RHOU: variants seen among roughly 807,000 people sequenced by gnomAD.
The protein encoded by RHOU is ras homolog family member U.
A neutral mutation model predicts 12.6 loss-of-function variants in RHOU; 8 were observed. That is an observed-to-expected ratio of 0.64 (90% CI 0.37 to 1.15). RHOU has a LOEUF of 1.15. Among genes scored for constraint, RHOU ranks in the 50% most tolerant of loss-of-function variants. The pLI is 0.01. For missense variants in RHOU, 258 were observed against 347.0 expected, an observed-to-expected ratio of 0.74 and a Z score of 2.04; for synonymous variants, 161 against 147.4, an observed-to-expected ratio of 1.09 and a Z score of -0.67.
chr1:228,711,254 G>C, the RHOU span, among the ~76,000 whole-genome samples: 1 of 151,648 alleles, frequency 6.6e-6, no homozygotes, highest in Admixed American at 6.6e-5. Context: ...TACAGATTCA[G>C]TGCCATCCCC....
the RHOU span, among the ~76,000 whole-genome samples, chr1:228,699,783 A>G: frequency 2.0e-5 from 3 of 152,136 alleles, no homozygotes; most frequent in East Asian, 5.8e-4. Flanking sequence ...ATATGTCCTA[A>G]TAACCTTTTA....
chr1:228,707,992 C>T, the RHOU span, among the ~76,000 whole-genome samples: 2 of 151,988 alleles, frequency 1.3e-5, no homozygotes, highest in East Asian at 3.9e-4. Context: ...AACCAAGGCT[C>T]GAGAACTACA....
chr1:228,651,100 T>C, the RHOU span: 2 of 229,192 alleles, frequency 8.7e-6, no homozygotes, highest in Admixed American at 4.8e-5. Flanking sequence ...CCTTCAATTA[T>C]GTCAAGTGGA....
the RHOU span, among the ~76,000 whole-genome samples, chr1:228,693,825 A>G: frequency 2.0e-5 from 3 of 152,220 alleles, no homozygotes; most frequent in African/African-American, 4.8e-5. Context: ...GATGATTTTT[A>G]AAGTTAACAT....
At chr1:228,647,855 GCGGTTGAGAAGTACGGCGACCAAA>G in the RHOU span, 1 of 152,302 alleles carries the variant, frequency 6.6e-6, no homozygotes, top group Non-Finnish European at 1.5e-5. Context: ...GATTTACGGT[GCGGTTGAGAAGTACGGCGACCAAA>G]CGGTAAAGAG....
chr1:228,687,908 C>T, the RHOU span: 2 of 775,246 alleles, frequency 2.6e-6, no homozygotes, highest in Non-Finnish European at 4.5e-6. Context: ...TATTGTTCTC[C>T]CCCTCTCCCT....
At chr1:228,671,160 A>T in the RHOU span, among the ~76,000 whole-genome samples, 1 of 151,960 alleles carries the variant, frequency 6.6e-6, no homozygotes, top group Non-Finnish European at 1.5e-5. Flanking sequence ...ATGCATCATC[A>T]TGCCCAGCTA....
the RHOU span, among the ~76,000 whole-genome samples, chr1:228,648,757 C>G: frequency 6.6e-6 from 1 of 152,022 alleles, no homozygotes; most frequent in Non-Finnish European, 1.5e-5. Context: ...ACATTATAAT[C>G]TATTACTTCT....
At chr1:228,699,147 A>G in the RHOU span, among the ~76,000 whole-genome samples, 1 of 151,090 alleles carries the variant, frequency 6.6e-6, no homozygotes, top group Non-Finnish European at 1.5e-5. Flanking sequence ...TTAAAGCCTT[A>G]CCGGGCTGGG....
chr1:228,650,610 C>A, the RHOU span: 1 of 450,296 alleles, frequency 2.2e-6, no homozygotes, highest in South Asian at 1.6e-5. Context: ...TCTACTTCCT[C>A]AAAGGGGGAT....
the RHOU span, among the ~76,000 whole-genome samples, chr1:228,719,358 A>T: frequency 2.6e-5 from 4 of 152,224 alleles, no homozygotes; most frequent in African/African-American, 9.6e-5. Flanking sequence ...TCATTAGCAC[A>T]CTATTCTGTT....
the RHOU span, among the ~76,000 whole-genome samples, chr1:228,710,675 C>CA: frequency 6.6e-6 from 1 of 150,516 alleles, no homozygotes; most frequent in African/African-American, 2.4e-5. Context: ...ATAATAAGAG[C>CA]TATCTATGAC....
At chr1:228,722,113 G>A in the RHOU span, among the ~76,000 whole-genome samples, 3 of 152,208 alleles carry the variant, frequency 2.0e-5, no homozygotes, top group Non-Finnish European at 4.4e-5. Context: ...GTAAACAAAG[G>A]AAACAAGAAT....
the RHOU span, among the ~76,000 whole-genome samples, chr1:228,656,826 T>C: frequency 4.6e-5 from 7 of 152,220 alleles, no homozygotes; most frequent in African/African-American, 1.7e-4. Context: ...AAGTAAGTTC[T>C]TCCTTATCAG....
chr1:228,647,091 C>T, the RHOU span, among the ~76,000 whole-genome samples: 2 of 152,192 alleles, frequency 1.3e-5, no homozygotes, highest in Admixed American at 6.5e-5. Flanking sequence ...AAGCACCCTA[C>T]TTCGGTAGGC....
the RHOU span, among the ~76,000 whole-genome samples, chr1:228,656,504 C>T: frequency 6.6e-6 from 1 of 151,966 alleles, no homozygotes; most frequent in Non-Finnish European, 1.5e-5. Flanking sequence ...TGTTTTTGGA[C>T]CCATAATACA....
the RHOU span, among the ~76,000 whole-genome samples, chr1:228,708,366 C>T: frequency 6.6e-6 from 1 of 151,368 alleles, no homozygotes; most frequent in East Asian, 1.9e-4. Flanking sequence ...TCAGATTCAC[C>T]AAAGTTGAAA....
chr1:228,715,648 T>G, the RHOU span, among the ~76,000 whole-genome samples: 1 of 152,176 alleles, frequency 6.6e-6, no homozygotes, highest in East Asian at 1.9e-4. Flanking sequence ...TCATATACAT[T>G]CTTAAGATGT....
intron 2 of RHOU, among the ~76,000 whole-genome samples, chr1:228,739,539 G>T (rs1662680123): frequency 6.6e-6 from 1 of 152,174 alleles, no homozygotes; most frequent in South Asian, 2.1e-4. Context: ...CTGCAGCCTG[G>T]TTGACAGAGA....
Sources: allele counts gnomAD v4.1 joint callset (sites outside exome capture counted in the v4.1 genomes callset), GRCh38; gene constraint gnomAD v4.1.1; transcripts MANE v1.5; gene names NCBI Gene and HGNC (gene_info 2026-07-23, HGNC 2026-07-21).